Variants in STPG2 observed in about 807,000 individuals in gnomAD.
STPG2 encodes the protein sperm tail PG-rich repeat containing 2.
In STPG2, 56 loss-of-function variants were observed where a neutral mutation model predicts 54.2. That is an observed-to-expected ratio of 1.03 (90% CI 0.83 to 1.29). STPG2 has a LOEUF of 1.29. Among genes scored for constraint, STPG2 ranks in the 50% most tolerant of loss-of-function variants. The pLI is 0.00. For synonymous variants in STPG2, 200 were observed against 181.8 expected (o/e 1.10, Z -0.81); for missense variants, 596 against 544.9 (o/e 1.09, Z -0.93).
At chr4:97,770,236 T>C (rs1726178021) in intron 9 of STPG2, among the ~76,000 whole-genome samples, 1 of 151,806 alleles carries the variant, frequency 6.6e-6, no homozygotes, top group South Asian at 2.1e-4. Context: ...ATAAAATACA[T>C]GAAAAAAGTA....
intron 5 of STPG2, among the ~76,000 whole-genome samples, chr4:98,081,820 G>C (rs985662951): frequency 7.9e-5 from 12 of 152,086 alleles, no homozygotes; most frequent in African/African-American, 2.9e-4. Context: ...GACTGAGTAG[G>C]GATTAAAGCT....
At chr4:97,911,835 G>T (rs1040842724) in intron 8 of STPG2, among the ~76,000 whole-genome samples, 1 of 152,112 alleles carries the variant, frequency 6.6e-6, no homozygotes, top group Non-Finnish European at 1.5e-5. Context: ...CCACCAAGAG[G>T]CAGCCAGACT....
chr4:97,680,806 C>CTA (rs34375973), intron 10 of STPG2, among the ~76,000 whole-genome samples: 89,038 of 151,292 alleles, frequency 0.59, 26,491 homozygotes, highest in South Asian at 0.68. Flanking sequence ...AACCATTACG[C>CTA]TGTTACCCAT....
chr4:97,844,518 C>T (rs1038950672), intron 8 of STPG2, among the ~76,000 whole-genome samples: 8 of 151,998 alleles, frequency 5.3e-5, no homozygotes, highest in African/African-American at 1.9e-4. Context: ...CTGACCTCCA[C>T]TGATTCTGAT....
chr4:97,658,944 C>T (rs1474154258), intron 10 of STPG2, among the ~76,000 whole-genome samples: 1 of 152,174 alleles, frequency 6.6e-6, no homozygotes, highest in Non-Finnish European at 1.5e-5. Context: ...TTATCCTCTT[C>T]TACCCCAGGT....
chr4:97,678,224 G>T (rs1200450237), intron 10 of STPG2, among the ~76,000 whole-genome samples: 1 of 151,696 alleles, frequency 6.6e-6, no homozygotes, highest in Non-Finnish European at 1.5e-5. Context: ...TTTTCCATTT[G>T]GGATCACTAT....
intron 4 of STPG2, among the ~76,000 whole-genome samples, chr4:97,442,338 T>A (rs2148790897): frequency 6.6e-6 from 1 of 152,258 alleles, no homozygotes; most frequent in Non-Finnish European, 1.5e-5. Flanking sequence ...TGATAACAGC[T>A]ATTTGAACAT....
chr4:97,565,919 C>G (rs930951567), intron 10 of STPG2, among the ~76,000 whole-genome samples: 1 of 152,176 alleles, frequency 6.6e-6, no homozygotes, highest in Admixed American at 6.5e-5. Context: ...TCTGCCCATT[C>G]TCAGATCTCC....
At chr4:97,945,135 T>C (rs570950729) in intron 7 of STPG2, among the ~76,000 whole-genome samples, 43 of 152,230 alleles carry the variant, frequency 2.8e-4, no homozygotes, top group Middle Eastern at 3.4e-3. Context: ...GGTGAATTCT[T>C]AGATTTTAGT....
intron 5 of STPG2, among the ~76,000 whole-genome samples, chr4:98,103,810 C>T (rs772807597): frequency 5.3e-5 from 8 of 152,030 alleles, no homozygotes; most frequent in African/African-American, 7.2e-5. Flanking sequence ...ATCTGTGTTC[C>T]TCCAGGATCT....
intron 5 of STPG2, among the ~76,000 whole-genome samples, chr4:98,018,812 T>C (rs1484759937): frequency 6.6e-6 from 1 of 152,110 alleles, no homozygotes; most frequent in African/African-American, 2.4e-5. Context: ...TGCATAAATG[T>C]CTTCTTTTGA....
intron 10 of STPG2, among the ~76,000 whole-genome samples, chr4:97,639,730 G>A (rs961966186): frequency 5.3e-5 from 8 of 151,742 alleles, no homozygotes; most frequent in Non-Finnish European, 1.0e-4. Context: ...GCGAATTTGG[G>A]AAAACATGCG....
rs1007410049 is a variant in STPG2 at position 97,619,892 on chromosome 4, C to T, written c.1321-60775G>A. On this transcript the variant is annotated intron_variant, in intron 10 of 10. Transcript: ENST00000295268. ...AGTTTGGAGTGCAGTGGCGCAATCTCGGCTCACTGCAAGCTCCACCTCCCG... is the reference window on the plus strand; with the variant it reads ...AGTTTGGAGTGCAGTGGCGCAATCTTGGCTCACTGCAAGCTCCACCTCCCG... 7.3e-5 allele frequency among the ~76,000 whole-genome samples: 11 copies of T among 150,198 alleles called. No individual in the cohort carries two copies. The South Asian group carries it at 8.5e-4, about 12-fold the overall frequency.
chr4:97,945,147 C>T (rs1372228955), intron 7 of STPG2, among the ~76,000 whole-genome samples: 2 of 151,990 alleles, frequency 1.3e-5, no homozygotes, highest in African/African-American at 4.8e-5. Flanking sequence ...GATTTTAGTG[C>T]ACCCATCACC....
rs142579501 is a variant in STPG2, at chr4:97,895,222, T to G, written c.1044+48675A>C. 1.1e-4 allele frequency among the ~76,000 whole-genome samples: 16 copies of G among 151,904 alleles called. No individual in the cohort carries two copies. In the East Asian group the frequency reaches 2.9e-3, roughly 28 times the overall value. On this transcript the variant is annotated intron_variant, in intron 8 of 10. Coordinates refer to ENST00000295268, the MANE Select transcript of STPG2 (RefSeq NM_174952.3). ...AGAAAAATGTAAAAACAGGGCTTGT[T>G]GCTAAGATATTACCTTTGAACTGCC...
chr4:97,800,001 C>T (rs1459673577), intron 9 of STPG2, among the ~76,000 whole-genome samples: 2 of 152,148 alleles, frequency 1.3e-5, no homozygotes, highest in African/African-American at 4.8e-5. Context: ...GAATTTGTCA[C>T]GTAGTTCTCG....
chr4:98,128,425 T>G lies in STPG2; in HGVS notation c.387+3A>C, dbSNP rs1359418115. ...TTGTCAATATGAAATACATTATACT[T>G]ACAAATTGAGGTTTGTAGTATGCTG... is the stretch of plus-strand genomic sequence containing the variant. On this transcript the variant is annotated splice_donor_region_variant and intron_variant, in intron 3 of 10. Transcript: ENST00000295268. The G allele has an allele frequency of 1.3e-6, 2 of 1,587,892 alleles. No homozygotes were observed. Among genetic ancestry groups the G allele is most frequent in the South Asian group, 2.3e-5 (2 of 85,672 alleles).
chr4:97,465,743 TATAA>T (rs1303012578), intron 4 of STPG2, among the ~76,000 whole-genome samples: 2 of 152,130 alleles, frequency 1.3e-5, no homozygotes, highest in Non-Finnish European at 2.9e-5. Context: ...GTGAATGTTA[TATAA>T]ATAGTCATTA....
At chr4:97,959,721 A>G (rs1048692492) in intron 7 of STPG2, among the ~76,000 whole-genome samples, 5 of 152,106 alleles carry the variant, frequency 3.3e-5, no homozygotes, top group African/African-American at 1.2e-4. Flanking sequence ...CCAAGAAAAA[A>G]AAAAGTCCAG....
Sources: allele counts gnomAD v4.1 joint callset (sites outside exome capture counted in the v4.1 genomes callset), GRCh38; gene constraint gnomAD v4.1.1; transcripts MANE v1.5; gene names NCBI Gene and HGNC (gene_info 2026-07-23, HGNC 2026-07-21).